Variants in DLG2 observed in about 807,000 individuals in gnomAD.
DLG2 encodes disks large homolog 2.
In DLG2, 45 loss-of-function variants were observed where a neutral mutation model predicts 132.5. The observed-to-expected ratio is 0.34, with a 90% CI of 0.27 to 0.44. The LOEUF is 0.44. Among genes scored for constraint, DLG2 ranks in the 20% least tolerant of loss-of-function variants. The pLI is 1.00. For synonymous variants in DLG2, 424 were observed against 419.6 expected (o/e 1.01, Z -0.13); for missense variants, 1,045 against 1,196.9 (o/e 0.87, Z 1.87).
intron 3 of DLG2, among the ~76,000 whole-genome samples, chr11:85,391,724 A>C (rs1270030733): frequency 6.6e-6 from 1 of 152,160 alleles, no homozygotes; most frequent in Non-Finnish European, 1.5e-5. Flanking sequence ...AAAGCATTTG[A>C]CCAAATCCAG....
intron 6 of DLG2, among the ~76,000 whole-genome samples, chr11:84,770,709 G>C (rs995154348): frequency 6.7e-6 from 1 of 149,668 alleles, no homozygotes; most frequent in Non-Finnish European, 1.5e-5. Context: ...GCAGTGGCAC[G>C]ATCTCGGCTC....
At chr11:85,283,227 T>A (rs760494632) in intron 4 of DLG2, among the ~76,000 whole-genome samples, 27 of 151,608 alleles carry the variant, frequency 1.8e-4, no homozygotes, top group Non-Finnish European at 3.7e-4. Context: ...TACCCCTGAA[T>A]TTAAAATAAA....
intron 12 of DLG2, among the ~76,000 whole-genome samples, chr11:83,978,654 T>G (rs573672358): frequency 6.6e-6 from 1 of 152,236 alleles, no homozygotes; most frequent in African/African-American, 2.4e-5. Flanking sequence ...CCCACAACTG[T>G]TAACTTTAAC....
At chr11:85,237,463 A>C (rs972040696) in intron 4 of DLG2, among the ~76,000 whole-genome samples, 1 of 152,060 alleles carries the variant, frequency 6.6e-6, no homozygotes, top group Non-Finnish European at 1.5e-5. Flanking sequence ...CTTAAACATG[A>C]AGGTTATGGG....
intron 6 of DLG2, among the ~76,000 whole-genome samples, chr11:84,886,764 G>A (rs1281429882): frequency 6.6e-6 from 1 of 152,118 alleles, no homozygotes; most frequent in Non-Finnish European, 1.5e-5. Context: ...TTGACAGAAT[G>A]TATTTATTTC....
intron 19 of DLG2, among the ~76,000 whole-genome samples, chr11:83,621,783 C>T (rs138232572): frequency 6.6e-6 from 1 of 152,084 alleles, no homozygotes; most frequent in African/African-American, 2.4e-5. Flanking sequence ...AATAATCATG[C>T]TTTTAGTTTT....
At chr11:84,373,256 A>AAAAAC (rs1555532653) in intron 7 of DLG2, among the ~76,000 whole-genome samples, 2 of 85,556 alleles carry the variant, frequency 2.3e-5, no homozygotes, top group South Asian at 7.8e-4. Flanking sequence ...AGTCAAAAAA[A>AAAAAC]AAAAAAAACA....
intron 19 of DLG2, among the ~76,000 whole-genome samples, chr11:83,621,424 T>A (rs937502374): frequency 3.9e-5 from 6 of 152,138 alleles, no homozygotes; most frequent in African/African-American, 1.4e-4. Context: ...CTTTAAAACT[T>A]AGGCCTGAAG....
At chr11:84,184,811 C>G (rs1446974961) in intron 8 of DLG2, among the ~76,000 whole-genome samples, 7 of 152,126 alleles carry the variant, frequency 4.6e-5, no homozygotes, top group Middle Eastern at 3.4e-3. Flanking sequence ...TTCCCAGCAC[C>G]ATTTATTAAA....
At chr11:85,426,749 C>T (rs977166494) in intron 3 of DLG2, among the ~76,000 whole-genome samples, 5 of 152,206 alleles carry the variant, frequency 3.3e-5, no homozygotes, top group Admixed American at 3.3e-4. Context: ...TACAGCTCCA[C>T]ACCAGCAATG....
chr11:84,082,718 G>A (rs2096922229), intron 10 of DLG2, among the ~76,000 whole-genome samples: 2 of 152,198 alleles, frequency 1.3e-5, no homozygotes, highest in South Asian at 4.1e-4. Flanking sequence ...GGATTTTGGA[G>A]TCAAACAGAC....
intron 6 of DLG2, among the ~76,000 whole-genome samples, chr11:84,982,245 T>C (rs951308771): frequency 1.3e-5 from 2 of 152,100 alleles, no homozygotes; most frequent in Non-Finnish European, 2.9e-5. Flanking sequence ...CTTCTCTGAG[T>C]ACCCAACTGC....
intron 7 of DLG2, among the ~76,000 whole-genome samples, chr11:84,387,297 TTACATTAAAGTTG>T (rs1469025991): frequency 6.6e-6 from 1 of 152,126 alleles, no homozygotes; most frequent in Non-Finnish European, 1.5e-5. Flanking sequence ...TTTTATTAGG[TTACATTAAAGTTG>T]TACATAAATT....
At chr11:83,844,269 C>T (rs892796451) in intron 16 of DLG2, among the ~76,000 whole-genome samples, 17 of 145,622 alleles carry the variant, frequency 1.2e-4, no homozygotes, top group Admixed American at 4.8e-4. Context: ...GGGCCAGGCG[C>T]GGTGGCTCAC....
chr11:85,111,811 T>G (rs1308178206), intron 5 of DLG2, 76 bp from the exon 6 acceptor site: 1 of 1,135,774 alleles, frequency 8.8e-7, no homozygotes, highest in African/African-American at 1.6e-5. Flanking sequence ...GACATGTTTA[T>G]TATCAATATG....
intron 4 of DLG2, among the ~76,000 whole-genome samples, chr11:85,161,010 G>T (rs1359783106): frequency 6.6e-6 from 1 of 152,242 alleles, no homozygotes; most frequent in Non-Finnish European, 1.5e-5. Flanking sequence ...TGATTCATGG[G>T]CTGTAGCCAA....
At chr11:83,753,824 CATATATATATGAT>C (rs1566831178) in intron 18 of DLG2, among the ~76,000 whole-genome samples, 42 of 36,704 alleles carry the variant, frequency 1.1e-3, no homozygotes, top group African/African-American at 2.8e-3. Flanking sequence ...ATATATATTT[CATATATATATGAT>C]ATATATCATA....
At chr11:84,056,032 AG>A (rs1480145898) in intron 11 of DLG2, among the ~76,000 whole-genome samples, 1 of 152,118 alleles carries the variant, frequency 6.6e-6, no homozygotes, top group African/African-American at 2.4e-5. Context: ...CATGTGCTCA[AG>A]GAAGGTCAGA....
chr11:83,617,921 G>A (rs2061077970), intron 19 of DLG2, among the ~76,000 whole-genome samples: 1 of 152,090 alleles, frequency 6.6e-6, no homozygotes, highest in African/African-American at 2.4e-5. Context: ...CACTTGACTA[G>A]GGGAGGCAGA....
Sources: gnomAD v4.1 joint callset for allele counts (sites outside exome capture counted in the v4.1 genomes callset) on GRCh38, gnomAD v4.1.1 for gene constraint, MANE v1.5 for transcripts, NCBI Gene and HGNC (gene_info 2026-07-23, HGNC 2026-07-21) for gene names.